LRP1B: variants seen among roughly 807,000 people sequenced by gnomAD.
LRP1B encodes low-density lipoprotein receptor-related protein 1B.
In LRP1B, 217 loss-of-function variants were observed where a neutral mutation model predicts 556.6. The ratio of observed to expected loss-of-function variants is 0.39; its 90% CI spans 0.35 to 0.44. LRP1B has a LOEUF of 0.44. Ranked by LOEUF, LRP1B falls within the 20% of genes least tolerant of loss-of-function variation. LRP1B has a pLI of 1.00. For synonymous variants in LRP1B, 2,047 were observed against 1,865.8 expected (o/e 1.10, Z -2.50); for missense variants, 5,053 against 5,620.8 (o/e 0.90, Z 3.23).
chr2:141,775,600 GA>G (rs760722173), intron 2 of LRP1B, among the ~76,000 whole-genome samples: 21 of 152,268 alleles, frequency 1.4e-4, no homozygotes, highest in Non-Finnish European at 2.8e-4. Flanking sequence ...AGGTGCACTT[GA>G]GGGTTATTAC....
At chr2:141,592,036 T>G (rs1188988808) in intron 2 of LRP1B, among the ~76,000 whole-genome samples, 1 of 152,064 alleles carries the variant, frequency 6.6e-6, no homozygotes, top group Non-Finnish European at 1.5e-5. Flanking sequence ...TTCTCAACTT[T>G]CTCCTGAAAG....
chr2:141,927,903 C>CAAAAAAA (rs5834879), intron 1 of LRP1B, among the ~76,000 whole-genome samples: 1 of 111,162 alleles, frequency 9.0e-6, no homozygotes, highest in African/African-American at 3.4e-5. Context: ...CTTGGCTTTA[C>CAAAAAAA]AAAAAAAAAA....
chr2:141,191,369 A>G (rs888043502), intron 6 of LRP1B, among the ~76,000 whole-genome samples: 5 of 151,986 alleles, frequency 3.3e-5, no homozygotes, highest in Non-Finnish European at 7.4e-5. Flanking sequence ...TCTGAGCCTA[A>G]ACTTTCCTCC....
At chr2:141,421,105 G>C (rs1309917591) in intron 3 of LRP1B, among the ~76,000 whole-genome samples, 1 of 152,152 alleles carries the variant, frequency 6.6e-6, no homozygotes, top group Non-Finnish European at 1.5e-5. Flanking sequence ...ATGGTACTTT[G>C]GTTCATACAC....
intron 2 of LRP1B, among the ~76,000 whole-genome samples, chr2:141,690,977 AT>A (rs1691507268): frequency 6.6e-6 from 1 of 151,978 alleles, no homozygotes; most frequent in African/African-American, 2.4e-5. Context: ...AGCAAATGTA[AT>A]TTAATTTAAT....
chr2:140,935,701 C>G (rs1695182967), intron 20 of LRP1B, among the ~76,000 whole-genome samples: 1 of 152,002 alleles, frequency 6.6e-6, no homozygotes, highest in African/African-American at 2.4e-5. Context: ...GAAGTCTACA[C>G]CAACACACAT....
At chr2:141,566,844 C>T (rs1194381959) in intron 2 of LRP1B, among the ~76,000 whole-genome samples, 3 of 151,986 alleles carry the variant, frequency 2.0e-5, no homozygotes, top group Non-Finnish European at 4.4e-5. Context: ...GGACAAGAGA[C>T]TGAGACTCCC....
At chr2:141,729,130 G>A (rs1693166070) in intron 2 of LRP1B, among the ~76,000 whole-genome samples, 1 of 152,126 alleles carries the variant, frequency 6.6e-6, no homozygotes, top group African/African-American at 2.4e-5. Flanking sequence ...GCCAAAGGGA[G>A]CCTGGCCATT....
At chr2:141,466,751 G>T (rs1461132791) in intron 3 of LRP1B, among the ~76,000 whole-genome samples, 1 of 152,064 alleles carries the variant, frequency 6.6e-6, no homozygotes, top group Non-Finnish European at 1.5e-5. Flanking sequence ...AAATAAGGGA[G>T]TCTGGGACCC....
chr2:141,794,318 T>C (rs931928244), intron 2 of LRP1B, among the ~76,000 whole-genome samples: 1 of 151,954 alleles, frequency 6.6e-6, no homozygotes, highest in African/African-American at 2.4e-5. Context: ...CTTATTATTA[T>C]ATCAAGACAA....
At chr2:140,590,804 C>A (rs1247276924) in intron 43 of LRP1B, among the ~76,000 whole-genome samples, 1 of 152,144 alleles carries the variant, frequency 6.6e-6, no homozygotes, top group South Asian at 2.1e-4. Flanking sequence ...CACACTAAGA[C>A]AACAGCATTC....
intron 2 of LRP1B, among the ~76,000 whole-genome samples, chr2:141,681,940 C>A (rs543431234): frequency 6.6e-6 from 1 of 152,138 alleles, no homozygotes; most frequent in South Asian, 2.1e-4. Context: ...CTCAATGCAG[C>A]CAGACTGTGT....
At chr2:141,930,049 A>T (rs760936352) in intron 1 of LRP1B, among the ~76,000 whole-genome samples, 14 of 151,826 alleles carry the variant, frequency 9.2e-5, no homozygotes, top group Admixed American at 2.6e-4. Context: ...GGACTTAATC[A>T]TTTTATCTAC....
chr2:141,503,259 A>C (rs202119876), intron 2 of LRP1B, among the ~76,000 whole-genome samples: 153 of 5,220 alleles, frequency 0.029, 1 homozygote, highest in Non-Finnish European at 0.039. Flanking sequence ...TATAATATAT[A>C]ATAATATATA....
intron 1 of LRP1B, among the ~76,000 whole-genome samples, chr2:141,896,958 T>A (rs934007271): frequency 1.3e-5 from 2 of 152,170 alleles, no homozygotes; most frequent in African/African-American, 4.8e-5. Context: ...CTATACCCAA[T>A]CTTTCCCAAT....
At chr2:140,972,788 TAG>T (rs1467044082) in intron 18 of LRP1B, among the ~76,000 whole-genome samples, 5 of 151,666 alleles carry the variant, frequency 3.3e-5, no homozygotes, top group Non-Finnish European at 7.4e-5. Context: ...ATTTGGAAAC[TAG>T]AGAGAGGTGA....
intron 2 of LRP1B, among the ~76,000 whole-genome samples, chr2:141,640,217 A>G (rs1353797268): frequency 3.3e-5 from 5 of 152,194 alleles, no homozygotes; most frequent in African/African-American, 1.2e-4. Context: ...ACAGATCATG[A>G]TAATTACTCG....
At chr2:141,881,097 G>T (rs1698944270) in intron 1 of LRP1B, among the ~76,000 whole-genome samples, 1 of 151,840 alleles carries the variant, frequency 6.6e-6, no homozygotes, top group Non-Finnish European at 1.5e-5. Context: ...AGGTAAAAAG[G>T]TTTAAAGAAT....
intron 1 of LRP1B, among the ~76,000 whole-genome samples, chr2:141,816,503 A>G (rs182279721): frequency 9.9e-5 from 15 of 152,272 alleles, no homozygotes; most frequent in African/African-American, 3.4e-4. Context: ...GTGATTTGCC[A>G]GGGACTCTCA....
Sources: allele counts gnomAD v4.1 joint callset (sites outside exome capture counted in the v4.1 genomes callset), GRCh38; gene constraint gnomAD v4.1.1; transcripts MANE v1.5; gene names NCBI Gene and HGNC (gene_info 2026-07-23, HGNC 2026-07-21).